The following TTC28 variants were observed in gnomAD, a reference collection of about 807,000 sequenced individuals.
TTC28 encodes tetratricopeptide repeat protein 28.
A neutral mutation model predicts 198.0 loss-of-function variants in TTC28; 61 were observed. The observed-to-expected ratio is 0.31, with a 90% CI of 0.25 to 0.38. The LOEUF is 0.38. TTC28 is among the 10% of genes least tolerant of loss of function. The pLI is 1.00. For synonymous variants in TTC28, 1,171 were observed against 1,297.8 expected, an observed-to-expected ratio of 0.90 and a Z score of 2.10; for missense variants, 2,678 against 3,164.0, an observed-to-expected ratio of 0.85 and a Z score of 3.69.
chr22:28,439,014 C>T (rs930068849), intron 2 of TTC28, among the ~76,000 whole-genome samples: 1 of 152,086 alleles, frequency 6.6e-6, no homozygotes, highest in Admixed American at 6.5e-5. Context: ...TTTAACAATC[C>T]ACTACAGTCT....
intron 5 of TTC28, among the ~76,000 whole-genome samples, chr22:28,164,420 T>C (rs912511654): frequency 6.6e-6 from 1 of 152,162 alleles, no homozygotes; most frequent in African/African-American, 2.4e-5. Context: ...ACACCTCACA[T>C]GGCAGGGTAC....
chr22:28,175,731 C>T (rs1923105481), intron 5 of TTC28, among the ~76,000 whole-genome samples: 2 of 151,528 alleles, frequency 1.3e-5, no homozygotes, highest in Non-Finnish European at 2.9e-5. Flanking sequence ...AAAACTCTGT[C>T]TCAAAAAAAA....
chr22:28,499,218 C>T (rs2048500905), intron 2 of TTC28, among the ~76,000 whole-genome samples: 1 of 152,092 alleles, frequency 6.6e-6, no homozygotes, highest in African/African-American at 2.4e-5. Context: ...CATGTTTTCT[C>T]TCTCCCTTGC....
At position 28,291,505 on chromosome 22, in the gene TTC28, T is replaced by A. The variant is rs150773977; in HGVS notation, c.933+4693A>T. 2.8e-4 allele frequency among the ~76,000 whole-genome samples: 42 copies of A among 152,314 alleles called. 1 individual carries two copies. The East Asian group carries it at 7.9e-3, about 29-fold the overall frequency. ...AGAAATGCAAATTAAAACAATAAGATATTACCTTTTTCTTAACCTATTAAA... is the reference window on the plus strand; with the variant it reads ...AGAAATGCAAATTAAAACAATAAGAAATTACCTTTTTCTTAACCTATTAAA... On this transcript the variant is annotated intron_variant, in intron 5 of 22. Transcript: ENST00000397906.
intron 2 of TTC28, among the ~76,000 whole-genome samples, chr22:28,434,459 G>A (rs937773522): frequency 2.0e-5 from 3 of 152,060 alleles, no homozygotes; most frequent in Non-Finnish European, 4.4e-5. Context: ...TGAGACAGGC[G>A]GATCATTTGA....
chr22:28,671,777 A>G lies in TTC28; in HGVS notation c.102+7845T>C, dbSNP rs2051891797. Among the ~76,000 whole-genome samples the G allele has an allele frequency of 2.0e-5, 3 of 149,802 alleles. No individual in the cohort carries two copies. The East Asian group carries it at 6.1e-4, about 30-fold the overall frequency. On this transcript the variant is annotated intron_variant, in intron 1 of 22. Transcript: ENST00000397906. ...TGCAACCTCCACCTCCCAGGTTCAC[A>G]TGATTCTCCTGCCTCAGCCACCCAA...
intron 2 of TTC28, among the ~76,000 whole-genome samples, chr22:28,423,121 G>A (rs1002810478): frequency 6.6e-6 from 1 of 152,156 alleles, no homozygotes; most frequent in Admixed American, 6.5e-5. Context: ...CCTGGGCACC[G>A]TGGCTCACAC....
intron 5 of TTC28, among the ~76,000 whole-genome samples, chr22:28,276,441 G>T (rs774059578): frequency 2.0e-5 from 3 of 152,150 alleles, no homozygotes; most frequent in Non-Finnish European, 4.4e-5. Context: ...GTGGATTCAG[G>T]AGAAAGATGG....
At chr22:28,032,189 A>T (rs866635744) in intron 12 of TTC28, among the ~76,000 whole-genome samples, 21 of 73,298 alleles carry the variant, frequency 2.9e-4, no homozygotes, top group South Asian at 8.8e-4. Flanking sequence ...TATATATATA[A>T]AATATATATA....
intron 13 of TTC28, among the ~76,000 whole-genome samples, chr22:28,021,982 C>T (rs1938625147): frequency 6.6e-6 from 1 of 152,246 alleles, no homozygotes; most frequent in Non-Finnish European, 1.5e-5. Flanking sequence ...ACACCACTCG[C>T]ATCCTCTTCC....
Position 28,679,803 on chromosome 22 carries a change from T to TG in TTC28, c.-81_-80insC. 2.9e-6 allele frequency: 2 copies of TG among 683,688 alleles called. No homozygotes were observed. Among genetic ancestry groups the TG allele is most frequent in the Non-Finnish European group, 3.8e-6 (2 of 524,898 alleles). The allele number at this position is 683,688 out of a possible 1,614,324, so 42.4% of individuals were successfully genotyped here. On this transcript the variant is annotated 5_prime_UTR_variant, in exon 1 of 23. Coordinates refer to ENST00000397906, the MANE Select transcript of TTC28 (RefSeq NM_001145418.2). Reference sequence around the variant, plus strand: ...GCGCGCGCCGGTTCCGCGCGCCATGTTCCCGCCGTGCTGCGCGCCGCCGCG... The same window carrying TG: ...GCGCGCGCCGGTTCCGCGCGCCATGTGTCCCGCCGTGCTGCGCGCCGCCGCG...
At chr22:28,536,824 C>G (rs1454805324) in intron 2 of TTC28, among the ~76,000 whole-genome samples, 1 of 151,766 alleles carries the variant, frequency 6.6e-6, no homozygotes, top group Non-Finnish European at 1.5e-5. Context: ...AAGTTAACAA[C>G]AAAAAACATG....
chr22:28,642,864 T>C (rs1370864247), intron 1 of TTC28: 2 of 152,218 alleles, frequency 1.3e-5, no homozygotes, highest in Non-Finnish European at 2.9e-5. Context: ...AAAGATTCAG[T>C]TCCTCAGATG....
chr22:28,057,966 T>C (rs1012889637), intron 12 of TTC28, among the ~76,000 whole-genome samples: 1 of 152,200 alleles, frequency 6.6e-6, no homozygotes, highest in East Asian at 1.9e-4. Flanking sequence ...TCAATTCTTA[T>C]GTGCCACACT....
chr22:27,999,560 C>A (rs1937618142), intron 15 of TTC28: 3 of 362,514 alleles, frequency 8.3e-6, no homozygotes, highest in Non-Finnish European at 1.5e-5. Flanking sequence ...GCCGTGGAAC[C>A]CAGGACAGCC....
chr22:28,217,101 G>A (rs901966071), intron 5 of TTC28, among the ~76,000 whole-genome samples: 2 of 152,114 alleles, frequency 1.3e-5, no homozygotes, highest in Non-Finnish European at 2.9e-5. Flanking sequence ...ATATAGGCAA[G>A]AGATTTGCTG....
chr22:28,483,241 AATTAT>A (rs1370108524), intron 2 of TTC28, among the ~76,000 whole-genome samples: 2 of 152,180 alleles, frequency 1.3e-5, no homozygotes, highest in African/African-American at 2.4e-5. Flanking sequence ...GTAAATCATT[AATTAT>A]ATTATATATT....
intron 2 of TTC28, among the ~76,000 whole-genome samples, chr22:28,593,671 C>T (rs1482434135): frequency 6.6e-6 from 1 of 151,768 alleles, no homozygotes; most frequent in Admixed American, 6.6e-5. Flanking sequence ...AGAAGGAAAA[C>T]AGTTTTTACT....
intron 12 of TTC28, among the ~76,000 whole-genome samples, chr22:28,083,082 T>C (rs1318221906): frequency 6.6e-6 from 1 of 152,128 alleles, no homozygotes; most frequent in African/African-American, 2.4e-5. Context: ...TTTTTTTTTT[T>C]TTTTGTCTTA....
Sources: allele counts gnomAD v4.1 joint callset (sites outside exome capture counted in the v4.1 genomes callset), GRCh38; gene constraint gnomAD v4.1.1; transcripts MANE v1.5; gene names NCBI Gene and HGNC (gene_info 2026-07-23, HGNC 2026-07-21).